Variants in CACNA1A observed in about 807,000 individuals in gnomAD.
CACNA1A encodes the protein voltage-dependent P/Q-type calcium channel subunit alpha-1A.
Under a neutral mutation model 262.4 loss-of-function variants are expected in CACNA1A, and 57 were observed. The ratio of observed to expected loss-of-function variants is 0.22; its 90% CI spans 0.18 to 0.27. The LOEUF is 0.27. Ranked by LOEUF, CACNA1A falls within the 10% of genes least tolerant of loss-of-function variation. CACNA1A has a pLI of 1.00. For synonymous variants in CACNA1A, 1,431 were observed against 1,419.3 expected (o/e 1.01, Z -0.18); for missense variants, 2,526 against 3,562.8 (o/e 0.71, Z 7.41).
At chr19:13,300,304 A>G (rs1221818350) in intron 18 of CACNA1A, among the ~76,000 whole-genome samples, 2 of 148,070 alleles carry the variant, frequency 1.4e-5, no homozygotes, top group African/African-American at 4.9e-5. Context: ...TAGAATGGCT[A>G]CACACAGGTG....
chr19:13,435,269 A>G (rs889924592), intron 3 of CACNA1A, among the ~76,000 whole-genome samples: 1 of 150,022 alleles, frequency 6.7e-6, no homozygotes, highest in African/African-American at 2.5e-5. Context: ...GCATATCACC[A>G]TGCCTGGCTA....
At chr19:13,345,895 C>CTTTTTTTTTTTTTTTTTTTTTTTTTTTT (rs55982966) in intron 6 of CACNA1A, among the ~76,000 whole-genome samples, 2 of 100,532 alleles carry the variant, frequency 2.0e-5, no homozygotes, top group Non-Finnish European at 3.9e-5. Context: ...TTCACGAAGT[C>CTTTTTTTTTTTTTTTTTTTTTTTTTTTT]TTTTTTTTTT....
intron 3 of CACNA1A, among the ~76,000 whole-genome samples, chr19:13,419,412 A>G (rs1033635671): frequency 9.2e-5 from 14 of 152,226 alleles, no homozygotes; most frequent in African/African-American, 2.9e-4. Context: ...ACAGTGGCTC[A>G]TATCTGTAAT....
chr19:13,234,815 C>T (rs750667996), intron 34 of CACNA1A, 106 bp downstream of exon 34: 24 of 778,726 alleles, frequency 3.1e-5, no homozygotes, highest in Non-Finnish European at 4.9e-5. Context: ...GAGGAGGGCA[C>T]GTCTTGCATT....
Position 13,286,510 on chromosome 19 carries a change from G to T in CACNA1A, c.3546C>A (p.Val1182=). 7.3e-7 allele frequency: 1 copy of T among 1,369,220 alleles called. No individual in the cohort carries two copies. Among genetic ancestry groups the T allele is most frequent in the Non-Finnish European group, 1.0e-6 (1 of 1,003,284 alleles). 84.8% of individuals were successfully genotyped at this position (1,369,220 alleles called of 1,614,324 possible). ...PACPPPLNHT[V]VQVNKNANPD... ...GAGAGCAGAGGGTCTCACCTTGTAC[G>T]ACGGTGTGGTTGAGGGGGGGTGGGC... The change falls in exon 20 of 47, where the codon GTC becomes GTA. Residue 1182 remains valine (V), a synonymous_variant. Coordinates refer to ENST00000360228, the MANE Select transcript of CACNA1A (RefSeq NM_001127222.2).
intron 6 of CACNA1A, among the ~76,000 whole-genome samples, chr19:13,345,347 A>AT (rs1386273596): frequency 6.6e-5 from 10 of 152,046 alleles, no homozygotes; most frequent in Admixed American, 2.6e-4. Flanking sequence ...CAACCAACTG[A>AT]TTTTTTCCCA....
At chr19:13,264,776 G>A (rs1164397702) in intron 24 of CACNA1A, among the ~76,000 whole-genome samples, 1 of 152,092 alleles carries the variant, frequency 6.6e-6, no homozygotes, top group Non-Finnish European at 1.5e-5. Context: ...CTATTTCGGA[G>A]TTAATCTTTG....
chr19:13,411,939 C>T (rs997201147), intron 3 of CACNA1A, among the ~76,000 whole-genome samples: 4 of 151,956 alleles, frequency 2.6e-5, no homozygotes, highest in Admixed American at 1.3e-4. Context: ...TGGTGTCAAA[C>T]TCCTGGGCTC....
At position 13,210,640 on chromosome 19, in the gene CACNA1A, G is replaced by A. The variant is rs771030765; in HGVS notation, c.6316C>T (p.Arg2106Trp). ...ACACTGAGGTTATTCCCACGTGGCCGGCCCCTTCTCCTCTGTCACAGCCCC... is the reference window on the plus strand; with the variant it reads ...ACACTGAGGTTATTCCCACGTGGCCAGCCCCTTCTCCTCTGTCACAGCCCC... ...LPAENQRRRG[R>W]PRGNNLSTIS... is the part of the protein sequence containing the mutation. The change falls in exon 44 of 47, where the codon CGG becomes TGG. Residue 2106 changes from arginine to tryptophan, a missense_variant. By Grantham distance (101) the Arg-to-Trp change is moderately radical (BLOSUM62 -3). Coordinates refer to ENST00000360228, the MANE Select transcript of CACNA1A (RefSeq NM_001127222.2). 12 of 1,564,926 alleles carry A rather than the reference G, an allele frequency of 7.7e-6. No individual in the cohort carries two copies. Among genetic ancestry groups the A allele is most frequent in the South Asian group, 7.1e-5 (6 of 84,798 alleles).
At chr19:13,334,122 A>G in intron 8 of CACNA1A, 1 of 458,206 alleles carries the variant, frequency 2.2e-6, no homozygotes, top group South Asian at 3.0e-5. Flanking sequence ...CATGGGTAAA[A>G]AGTGGCAGGG....
At chr19:13,466,576 A>G (rs2061243963) in intron 1 of CACNA1A, among the ~76,000 whole-genome samples, 1 of 152,062 alleles carries the variant, frequency 6.6e-6, no homozygotes, top group Non-Finnish European at 1.5e-5. Context: ...CCTGACCTCA[A>G]GTGATCTGCC....
chr19:13,375,647 G>T (rs2059392105), intron 3 of CACNA1A, among the ~76,000 whole-genome samples: 1 of 152,098 alleles, frequency 6.6e-6, no homozygotes, highest in Non-Finnish European at 1.5e-5. Context: ...AATTAGCTGG[G>T]TGTGGTGGTG....
chr19:13,253,009 G>C lies in CACNA1A; in HGVS notation c.4848C>G (p.Val1616=), dbSNP rs528301393. The part of the protein sequence containing the change: ...SLFSLECVLK[V]MAFGILNYFR... ...TACTTACCAGAATCCCAAAAGCCATGACTTTCAGCACACATTCCAGAGAGA... is the reference window on the plus strand; with the variant it reads ...TACTTACCAGAATCCCAAAAGCCATCACTTTCAGCACACATTCCAGAGAGA... Residue 1616 remains valine (V), a synonymous_variant, in exon 30 of 47, where the codon GTC becomes GTG. Transcript: ENST00000360228. 1 of 1,612,474 alleles carries C rather than the reference G, an allele frequency of 6.2e-7. No homozygotes were observed. Among genetic ancestry groups the C allele is most frequent in the Admixed American group, 1.7e-5 (1 of 60,018 alleles).
chr19:13,348,122 C>CT (rs2058827995), intron 6 of CACNA1A, among the ~76,000 whole-genome samples: 1 of 151,980 alleles, frequency 6.6e-6, no homozygotes, highest in Non-Finnish European at 1.5e-5. Flanking sequence ...TGGGGTCTTG[C>CT]TTTTTGACCA....
rs2054719591 is a variant in CACNA1A, at chr19:13,209,422, G to A, written c.6416C>T (p.Ser2139Leu). ...GPKARRLDDY[S>L]LERVPPEENQ... ...CTCCTCGGGCGGGACCCGCTCCAGC[G>A]AGTAATCGTCCAGGCGTCGGGCCTT... The change falls in exon 45 of 47, where the codon TCG becomes TTG. Residue 2139 changes from serine to leucine, a missense_variant. Coordinates refer to ENST00000360228, the MANE Select transcript of CACNA1A (RefSeq NM_001127222.2). 7.2e-7 allele frequency: 1 copy of A among 1,393,242 alleles called. No homozygotes were observed. Among genetic ancestry groups the A allele is most frequent in the Non-Finnish European group, 9.3e-7 (1 of 1,069,754 alleles). 86.3% of individuals were successfully genotyped at this position (1,393,242 alleles called of 1,614,324 possible). A position where few individuals can be genotyped will look rare whatever the true frequency, so the allele number is the denominator to read the frequency against.
chr19:13,503,617 C>T (rs1982647790), intron 1 of CACNA1A, among the ~76,000 whole-genome samples: 1 of 151,650 alleles, frequency 6.6e-6, no homozygotes, highest in South Asian at 2.1e-4. Context: ...TCCATCCCCT[C>T]TCATCTCCAA....
intron 3 of CACNA1A, among the ~76,000 whole-genome samples, chr19:13,376,895 ATG>A (rs1459829329): frequency 2.7e-5 from 4 of 146,714 alleles, no homozygotes; most frequent in South Asian, 4.2e-4. Flanking sequence ...TATATGTTAT[ATG>A]TGATATATAA....
intron 24 of CACNA1A, chr19:13,273,564 A>G (rs1200079256): frequency 6.6e-6 from 1 of 151,956 alleles, no homozygotes; most frequent in Admixed American, 6.6e-5. Flanking sequence ...TATTCGTCAC[A>G]ATCTTTGTCC....
chr19:13,410,933 T>C (rs1047173299), intron 3 of CACNA1A, among the ~76,000 whole-genome samples: 6 of 152,152 alleles, frequency 3.9e-5, no homozygotes, highest in Non-Finnish European at 7.4e-5. Context: ...TCTTTAATGA[T>C]GGAGAGTAAG....
Sources: allele counts gnomAD v4.1 joint callset (sites outside exome capture counted in the v4.1 genomes callset), GRCh38; gene constraint gnomAD v4.1.1; transcripts MANE v1.5; gene names NCBI Gene and HGNC (gene_info 2026-07-23, HGNC 2026-07-21).